The following LPP variants were observed in gnomAD, a reference collection of about 807,000 sequenced individuals.
LPP encodes LIM domain containing preferred translocation partner in lipoma, also known as lipoma-preferred partner.
LPP carries 38 observed loss-of-function variants against 60.4 expected under a neutral mutation model. That is an observed-to-expected ratio of 0.63 (90% CI 0.49 to 0.83). LPP has a LOEUF of 0.83. LPP is among the 40% of genes least tolerant of loss of function. The probability of loss-of-function intolerance (pLI) is 0.00; values close to 1 mark genes in which losing one functional copy is unlikely to be tolerated. For synonymous variants in LPP, 328 were observed against 290.8 expected (o/e 1.13, Z -1.30); for missense variants, 902 against 783.6 (o/e 1.15, Z -1.80).
At chr3:188,514,406 G>C (rs1211901737) in intron 5 of LPP, among the ~76,000 whole-genome samples, 1 of 151,782 alleles carries the variant, frequency 6.6e-6, no homozygotes, top group Non-Finnish European at 1.5e-5. Flanking sequence ...CACAGCCATA[G>C]CTCATCCCTG....
intron 3 of LPP, among the ~76,000 whole-genome samples, chr3:188,374,287 ATTACCTT>A (rs1560315749): frequency 1.3e-5 from 2 of 152,088 alleles, no homozygotes; most frequent in Non-Finnish European, 2.9e-5. Context: ...GAATCTATAA[ATTACCTT>A]TGGCAGTATG....
chr3:188,180,510 CA>C (rs1471680007), intron 1 of LPP: 1 of 154,302 alleles, frequency 6.5e-6, no homozygotes, highest in Non-Finnish European at 1.5e-5. Flanking sequence ...AGACTTAAGG[CA>C]AAAACAAACC....
intron 4 of LPP, among the ~76,000 whole-genome samples, chr3:188,412,406 T>C (rs1435169185): frequency 1.2e-4 from 19 of 152,184 alleles, no homozygotes; most frequent in Admixed American, 1.2e-3. Flanking sequence ...GTATACTCTT[T>C]TATAGTTTAT....
At chr3:188,650,084 A>G (rs1580693924) in intron 7 of LPP, among the ~76,000 whole-genome samples, 1 of 152,144 alleles carries the variant, frequency 6.6e-6, no homozygotes, top group Admixed American at 6.5e-5. Flanking sequence ...AGTCTGTCTG[A>G]TGTTTTGCAT....
At chr3:188,532,994 G>A (rs1822595219) in intron 6 of LPP, among the ~76,000 whole-genome samples, 1 of 152,162 alleles carries the variant, frequency 6.6e-6, no homozygotes, top group African/African-American at 2.4e-5. Context: ...ATGCTGTGTG[G>A]TCATATGGAC....
chr3:188,174,540 A>G (rs1722527929), intron 1 of LPP, among the ~76,000 whole-genome samples: 1 of 152,118 alleles, frequency 6.6e-6, no homozygotes, highest in African/African-American at 2.4e-5. Context: ...GCCTGGAGAG[A>G]TGGGGGAGGA....
chr3:188,881,927 G>A lies in LPP; in HGVS notation c.*7448G>A, dbSNP rs1019316410. The A allele has an allele frequency of 1.8e-5, 4 of 216,968 alleles. No homozygotes were observed. The highest frequency in any genetic ancestry group is 6.8e-5 in the African/African-American group (3 of 44,418). The allele number at this position is 216,968 out of a possible 1,614,324, so 13.4% of individuals were successfully genotyped here. A position where few individuals can be genotyped will look rare whatever the true frequency, so the allele number is the denominator to read the frequency against. Reference sequence around the variant, plus strand: ...TGCTCAAATATTTGTACCTAGAGACGTTACATGTTAGAAAAAGTGAGCAGC... The same window carrying A: ...TGCTCAAATATTTGTACCTAGAGACATTACATGTTAGAAAAAGTGAGCAGC... On this transcript the variant is annotated 3_prime_UTR_variant, in exon 12 of 12. Coordinates refer to ENST00000617246, the MANE Select transcript of LPP (RefSeq NM_001375462.1).
intron 9 of LPP, among the ~76,000 whole-genome samples, chr3:188,796,679 A>G (rs1399426476): frequency 6.6e-6 from 1 of 152,204 alleles, no homozygotes; most frequent in Non-Finnish European, 1.5e-5. Context: ...TCCTGTTCCA[A>G]ATAGGAGCCC....
At position 188,460,044 on chromosome 3, in the gene LPP, T is replaced by A. The variant is rs139693934; in HGVS notation, c.194-24548T>A. Among the ~76,000 whole-genome samples, 91 of 152,318 alleles carry A rather than the reference T, an allele frequency of 6.0e-4. 4 individuals carry two copies. In the East Asian group the frequency reaches 0.017, roughly 28 times the overall value. On this transcript the variant is annotated intron_variant, in intron 4 of 11. Coordinates refer to ENST00000617246, the MANE Select transcript of LPP (RefSeq NM_001375462.1). ...AAATCATTTTGCACACTGAGTAAAT[T>A]AGTCAATTATGTAAAAATTTTATCT...
At chr3:188,390,735 A>G (rs934892854) in intron 3 of LPP, among the ~76,000 whole-genome samples, 6 of 152,072 alleles carry the variant, frequency 3.9e-5, no homozygotes, top group African/African-American at 1.4e-4. Flanking sequence ...GCATTACTGC[A>G]TTTGCCTAAT....
At chr3:188,824,658 G>A (rs777392020) in intron 9 of LPP, among the ~76,000 whole-genome samples, 24 of 152,120 alleles carry the variant, frequency 1.6e-4, no homozygotes, top group Non-Finnish European at 3.2e-4. Flanking sequence ...TGTGAACCTG[G>A]GATGCGTGAG....
chr3:188,229,931 G>C (rs1479533642), intron 2 of LPP, among the ~76,000 whole-genome samples: 1 of 152,142 alleles, frequency 6.6e-6, no homozygotes, highest in East Asian at 1.9e-4. Flanking sequence ...GGTTCATAGA[G>C]TATGTGTTTG....
intron 9 of LPP, among the ~76,000 whole-genome samples, chr3:188,836,318 C>G (rs1021020384): frequency 3.3e-5 from 5 of 152,194 alleles, no homozygotes; most frequent in Non-Finnish European, 5.9e-5. Flanking sequence ...GCAAACATGA[C>G]ATATTCCTGG....
intron 2 of LPP, among the ~76,000 whole-genome samples, chr3:188,329,367 A>T (rs189001335): frequency 9.2e-5 from 14 of 152,356 alleles, no homozygotes; most frequent in Admixed American, 9.1e-4. Context: ...GATGGTGATG[A>T]CAAATATATA....
intron 4 of LPP, among the ~76,000 whole-genome samples, chr3:188,479,339 G>A (rs1478916125): frequency 6.6e-6 from 1 of 152,168 alleles, no homozygotes; most frequent in Non-Finnish European, 1.5e-5. Flanking sequence ...CACTGCCAGT[G>A]CAGCCCATGG....
chr3:188,259,328 G>A (rs901833690), intron 2 of LPP, among the ~76,000 whole-genome samples: 1 of 152,106 alleles, frequency 6.6e-6, no homozygotes, highest in Non-Finnish European at 1.5e-5. Flanking sequence ...CCCCACACCT[G>A]ACACCAGTCT....
intron 7 of LPP, among the ~76,000 whole-genome samples, chr3:188,656,484 A>G (rs762645213): frequency 6.6e-6 from 1 of 152,198 alleles, no homozygotes; most frequent in Non-Finnish European, 1.5e-5. Context: ...ACAAACAATT[A>G]CATTTAAAAA....
chr3:188,804,243 TTA>T (rs60989319), intron 9 of LPP, among the ~76,000 whole-genome samples: 1,582 of 37,620 alleles, frequency 0.042, 45 homozygotes, highest in African/African-American at 0.097. Context: ...TAGTGCATCT[TTA>T]TATATATATA....
chr3:188,594,085 C>A (rs1839506697), intron 6 of LPP, among the ~76,000 whole-genome samples: 3 of 152,122 alleles, frequency 2.0e-5, no homozygotes, highest in African/African-American at 4.8e-5. Context: ...AATATTAGAA[C>A]ATGGCCCCCT....
Sources: gnomAD v4.1 joint callset for allele counts (sites outside exome capture counted in the v4.1 genomes callset) on GRCh38, gnomAD v4.1.1 for gene constraint, MANE v1.5 for transcripts, NCBI Gene and HGNC (gene_info 2026-07-23, HGNC 2026-07-21) for gene names.